LMBR1: variants seen among roughly 807,000 people sequenced by gnomAD.
LMBR1 encodes the protein limb development membrane protein 1.
In LMBR1, 52 loss-of-function variants were observed where a neutral mutation model predicts 73.9. The ratio of observed to expected loss-of-function variants is 0.70; its 90% CI spans 0.56 to 0.89. The LOEUF (loss-of-function observed/expected upper bound fraction) is 0.89. Ranked by LOEUF, LMBR1 falls within the 40% of genes least tolerant of loss-of-function variation. The probability of loss-of-function intolerance (pLI) is 0.00; values close to 1 mark genes in which losing one functional copy is unlikely to be tolerated. For missense variants in LMBR1, 539 were observed against 579.8 expected (o/e 0.93, Z 0.72); for synonymous variants, 215 against 209.4 (o/e 1.03, Z -0.23).
intron 1 of LMBR1, among the ~76,000 whole-genome samples, chr7:156,842,422 G>T (rs1838883654): frequency 6.6e-6 from 1 of 152,112 alleles, no homozygotes. Context: ...TACTTTTTAA[G>T]GAATAACACG....
chr7:156,829,301 G>A (rs1664215466), intron 3 of LMBR1, among the ~76,000 whole-genome samples: 2 of 152,184 alleles, frequency 1.3e-5, no homozygotes, highest in South Asian at 4.1e-4. Flanking sequence ...TTGGATATCT[G>A]TCCCCTCCAA....
chr7:156,718,737 A>G, intron 15 of LMBR1, among the ~76,000 whole-genome samples: 1 of 152,186 alleles, frequency 6.6e-6, no homozygotes, highest in East Asian at 1.9e-4. Flanking sequence ...GATCTGTTTC[A>G]GAAAAAAGAA....
intron 5 of LMBR1, among the ~76,000 whole-genome samples, chr7:156,786,042 C>T (rs1828010202): frequency 6.6e-6 from 1 of 151,264 alleles, no homozygotes; most frequent in African/African-American, 2.4e-5. Context: ...TAAAAGACAG[C>T]AAATAAATGG....
chr7:156,856,802 A>G (rs1797039653), intron 1 of LMBR1, among the ~76,000 whole-genome samples: 1 of 152,180 alleles, frequency 6.6e-6, no homozygotes, highest in Admixed American at 6.5e-5. Context: ...AACAGACAAC[A>G]ATTTATTGAA....
intron 5 of LMBR1, among the ~76,000 whole-genome samples, chr7:156,790,475 A>AT (rs1704562509): frequency 6.6e-6 from 1 of 152,042 alleles, no homozygotes; most frequent in South Asian, 2.1e-4. Context: ...CAAAGTTCAC[A>AT]TTTTTTGCCA....
At chr7:156,691,182 C>A (rs955653700) in intron 15 of LMBR1, among the ~76,000 whole-genome samples, 4 of 152,142 alleles carry the variant, frequency 2.6e-5, no homozygotes, top group African/African-American at 7.2e-5. Flanking sequence ...GTTGTTAACT[C>A]CCTTAGTCAA....
chr7:156,726,003 C>A (rs1815677078), intron 12 of LMBR1, 166 bp from the exon 13 acceptor site: 17 of 466,506 alleles, frequency 3.6e-5, no homozygotes, highest in Non-Finnish European at 6.5e-5. Flanking sequence ...AGACTGATTT[C>A]ATCAACAAAT....
intron 5 of LMBR1, among the ~76,000 whole-genome samples, chr7:156,792,956 A>G (rs1829485444): frequency 6.6e-6 from 1 of 152,144 alleles, no homozygotes; most frequent in Admixed American, 6.6e-5. Flanking sequence ...CCATATTACA[A>G]GTTTGTCATT....
intron 1 of LMBR1, among the ~76,000 whole-genome samples, chr7:156,891,966 T>C (rs1052919895): frequency 2.0e-5 from 3 of 152,216 alleles, no homozygotes; most frequent in African/African-American, 2.4e-5. Flanking sequence ...TGTGACTGAA[T>C]CGTAGACAAC....
intron 1 of LMBR1, among the ~76,000 whole-genome samples, chr7:156,840,021 A>C (rs7799144): frequency 0.36 from 54,144 of 152,082 alleles, 9,912 homozygotes; most frequent in East Asian, 0.57. Context: ...AATGGAGAGA[A>C]GACAGAAACA....
At chr7:156,818,673 C>G (rs755637362) in intron 4 of LMBR1, among the ~76,000 whole-genome samples, 1 of 152,142 alleles carries the variant, frequency 6.6e-6, no homozygotes, top group Non-Finnish European at 1.5e-5. Context: ...ACCACCTTTA[C>G]CTAACTCCGA....
At chr7:156,769,714 C>A (rs1024559538) in intron 5 of LMBR1, among the ~76,000 whole-genome samples, 1 of 152,214 alleles carries the variant, frequency 6.6e-6, no homozygotes, top group African/African-American at 2.4e-5. Flanking sequence ...CAGGTCATTT[C>A]CCCTGCTCCC....
chr7:156,671,742 A>G (rs1056157598), intron 4 of LMBR1, among the ~76,000 whole-genome samples: 6 of 150,902 alleles, frequency 4.0e-5, no homozygotes, highest in Admixed American at 1.3e-4. Context: ...CAGTCGTCCT[A>G]GTATCTCATG....
At chr7:156,804,143 T>A (rs1831555177) in intron 4 of LMBR1, among the ~76,000 whole-genome samples, 1 of 152,028 alleles carries the variant, frequency 6.6e-6, no homozygotes, top group African/African-American at 2.4e-5. Flanking sequence ...TAAAGTAGAA[T>A]AATAATAAAA....
chr7:156,743,890 C>T (rs1284146786), intron 9 of LMBR1, among the ~76,000 whole-genome samples: 2 of 152,154 alleles, frequency 1.3e-5, no homozygotes, highest in Non-Finnish European at 2.9e-5. Context: ...CCACCCATGC[C>T]CCCAACTCCT....
intron 5 of LMBR1, among the ~76,000 whole-genome samples, chr7:156,775,177 G>A (rs1825902448): frequency 6.6e-6 from 1 of 152,112 alleles, no homozygotes; most frequent in African/African-American, 2.4e-5. Context: ...AGACCAGCCT[G>A]GCCAACATGG....
rs1297701468 is a variant in LMBR1, at chr7:156,763,520, AT to A, written c.550+148del. On this transcript the variant is annotated intron_variant, in intron 6 of 16. Transcript: ENST00000353442. ...AATAAAACTTCATTTTTAGATAAAAATATCTAAAGATTTCTTAATTCTGTAA... is the reference window on the plus strand; with the variant it reads ...AATAAAACTTCATTTTTAGATAAAAAATCTAAAGATTTCTTAATTCTGTAA... 29 of 606,416 alleles carry A rather than the reference AT, an allele frequency of 4.8e-5. No homozygotes were observed. In the African/African-American group the frequency reaches 5.2e-4, roughly 11 times the overall value. The allele number at this position is 606,416 out of a possible 1,614,324, so 37.6% of individuals were successfully genotyped here.
In LMBR1 at chr7:156,837,169, A is replaced by G. The variant is rs921060203; in HGVS notation, c.67-284T>C. ...TGAAACCCTGTCTCTACTAAAAAAT[A>G]CAAAAAAAAAAAATATTAGCAGGGC... On this transcript the variant is annotated intron_variant, in intron 1 of 16. Transcript: ENST00000353442. Among the ~76,000 whole-genome samples, 7 of 126,292 alleles carry G rather than the reference A, an allele frequency of 5.5e-5. No homozygotes were observed. In the South Asian group the frequency reaches 1.2e-3, roughly 22 times the overall value. 82.9% of individuals were successfully genotyped at this position (126,292 alleles called of 152,430 possible).
intron 1 of LMBR1, among the ~76,000 whole-genome samples, chr7:156,837,267 G>A (rs1269797906): frequency 2.0e-5 from 3 of 151,354 alleles, no homozygotes; most frequent in East Asian, 1.9e-4. Context: ...CGCAGGAGGC[G>A]GAGGTTGCAA....
Sources: gnomAD v4.1 joint callset for allele counts (sites outside exome capture counted in the v4.1 genomes callset) on GRCh38, gnomAD v4.1.1 for gene constraint, MANE v1.5 for transcripts, NCBI Gene and HGNC (gene_info 2026-07-23, HGNC 2026-07-21) for gene names.